The following ASIC2 variants were observed in gnomAD, a reference collection of about 807,000 sequenced individuals.
ASIC2 encodes the protein acid-sensing ion channel 2.
Under a neutral mutation model 57.3 loss-of-function variants are expected in ASIC2, and 25 were observed. The observed-to-expected ratio is 0.44, with a 90% CI of 0.32 to 0.61. The LOEUF is 0.61. Among genes scored for constraint, ASIC2 ranks in the 20% least tolerant of loss-of-function variants. ASIC2 has a pLI of 0.06. For synonymous variants in ASIC2, 319 were observed against 307.5 expected (o/e 1.04, Z -0.39); for missense variants, 641 against 738.1 (o/e 0.87, Z 1.52).
At chr17:33,609,739 CTTATCTGTGGGGCA>C (rs1905336532) in intron 1 of ASIC2, among the ~76,000 whole-genome samples, 1 of 152,080 alleles carries the variant, frequency 6.6e-6, no homozygotes, top group Non-Finnish European at 1.5e-5. Flanking sequence ...AGAAGCTCAC[CTTATCTGTGGGGCA>C]CATGAAGAAG....
At chr17:33,014,999 G>A (rs1384713570) in intron 9 of ASIC2, among the ~76,000 whole-genome samples, 1 of 152,212 alleles carries the variant, frequency 6.6e-6, no homozygotes, top group Non-Finnish European at 1.5e-5. Flanking sequence ...TTAGGATCCA[G>A]CCAGGCCAGC....
intron 1 of ASIC2, chr17:34,039,500 C>A: frequency 6.2e-7 from 1 of 1,613,812 alleles, no homozygotes. Context: ...AGGGGCTGTT[C>A]TACTCGTCGC....
intron 1 of ASIC2, among the ~76,000 whole-genome samples, chr17:33,455,622 G>A (rs1369190419): frequency 1.3e-5 from 2 of 152,150 alleles, no homozygotes; most frequent in Non-Finnish European, 2.9e-5. Flanking sequence ...CACCTTTTTA[G>A]ATATGTTATC....
intron 1 of ASIC2, among the ~76,000 whole-genome samples, chr17:34,035,210 T>C: frequency 6.9e-6 from 1 of 144,078 alleles, no homozygotes; most frequent in African/African-American, 2.8e-5. Context: ...ATGCTGCATA[T>C]CTACAACTAT....
intron 1 of ASIC2, among the ~76,000 whole-genome samples, chr17:33,825,016 C>T (rs1000201393): frequency 6.6e-6 from 1 of 152,184 alleles, no homozygotes; most frequent in Non-Finnish European, 1.5e-5. Flanking sequence ...GCACGTCTCT[C>T]TCCCCGTCTC....
At chr17:33,100,515 C>T (rs1358186770) in intron 2 of ASIC2, among the ~76,000 whole-genome samples, 1 of 152,218 alleles carries the variant, frequency 6.6e-6, no homozygotes, top group Non-Finnish European at 1.5e-5. Flanking sequence ...CTGACTATCT[C>T]CTTCTAGATT....
chr17:33,485,935 C>T (rs1913561280), intron 1 of ASIC2, among the ~76,000 whole-genome samples: 1 of 152,234 alleles, frequency 6.6e-6, no homozygotes, highest in African/African-American at 2.4e-5. Context: ...CCTGCTCTGT[C>T]TGGTCCACTG....
chr17:33,092,044 G>C (rs548666116), intron 2 of ASIC2, among the ~76,000 whole-genome samples: 1 of 152,198 alleles, frequency 6.6e-6, no homozygotes, highest in Non-Finnish European at 1.5e-5. Flanking sequence ...CAGAGCTGAG[G>C]GGGTGACGAG....
Position 33,811,107 on chromosome 17 carries a change from G to T in ASIC2, c.555+344871C>A, listed in dbSNP as rs925763579. Reference sequence around the variant, plus strand: ...ACTATTTTTCAGGCTGAATCACAAGGTTCAGTAGCTCACATAATGAGATTA... The same window carrying T: ...ACTATTTTTCAGGCTGAATCACAAGTTTCAGTAGCTCACATAATGAGATTA... On this transcript the variant is annotated intron_variant, in intron 1 of 9. Transcript: ENST00000359872. Among the ~76,000 whole-genome samples the T allele has an allele frequency of 6.6e-5, 10 of 152,156 alleles. No individual in the cohort carries two copies. The South Asian group carries it at 1.2e-3, about 19-fold the overall frequency.
At chr17:33,506,854 T>C (rs775454147) in intron 1 of ASIC2, among the ~76,000 whole-genome samples, 43 of 152,202 alleles carry the variant, frequency 2.8e-4, no homozygotes, top group Admixed American at 1.3e-4. Flanking sequence ...ATAAATAGCA[T>C]GCACTTGGTT....
At chr17:33,434,600 C>G (rs534767827) in intron 1 of ASIC2, among the ~76,000 whole-genome samples, 1 of 152,204 alleles carries the variant, frequency 6.6e-6, no homozygotes, top group East Asian at 1.9e-4. Context: ...GATTTTTTAT[C>G]CAGAAAAACT....
At chr17:34,077,514 G>A (rs987952476) in intron 1 of ASIC2, among the ~76,000 whole-genome samples, 2 of 152,112 alleles carry the variant, frequency 1.3e-5, no homozygotes, top group Non-Finnish European at 2.9e-5. Context: ...GCACTCCTCC[G>A]GTGCTGCTCT....
chr17:33,940,473 G>C (rs1916163885), intron 1 of ASIC2, among the ~76,000 whole-genome samples: 1 of 152,080 alleles, frequency 6.6e-6, no homozygotes, highest in Non-Finnish European at 1.5e-5. Flanking sequence ...ATTGCACTGT[G>C]GTTTCAGATA....
chr17:33,381,222 G>T (rs931795), intron 1 of ASIC2, among the ~76,000 whole-genome samples: 1 of 152,144 alleles, frequency 6.6e-6, no homozygotes, highest in East Asian at 1.9e-4. Flanking sequence ...AAAGCTAGCC[G>T]TGTTATTTAC....
At chr17:33,425,984 G>A (rs537412201) in intron 1 of ASIC2, among the ~76,000 whole-genome samples, 1 of 152,164 alleles carries the variant, frequency 6.6e-6, no homozygotes, top group Non-Finnish European at 1.5e-5. Flanking sequence ...AGAGAGAGGG[G>A]CTAGTAAGGG....
At chr17:33,116,438 G>A (rs1006290574) in intron 1 of ASIC2, among the ~76,000 whole-genome samples, 3 of 152,220 alleles carry the variant, frequency 2.0e-5, no homozygotes, top group African/African-American at 7.2e-5. Flanking sequence ...GTCAGGTTGA[G>A]CTCACTGCTT....
At chr17:34,056,018 C>A (rs9944519) in intron 1 of ASIC2, among the ~76,000 whole-genome samples, 33,740 of 151,960 alleles carry the variant, frequency 0.22, 5,525 homozygotes, top group African/African-American at 0.46. Flanking sequence ...TTACACTGGG[C>A]AGTAATTGTA....
chr17:33,397,976 GA>G (rs1330376448), intron 1 of ASIC2, among the ~76,000 whole-genome samples: 5 of 151,986 alleles, frequency 3.3e-5, no homozygotes, highest in African/African-American at 9.7e-5. Flanking sequence ...GATCATAGTG[GA>G]AAAAAAATCT....
At chr17:33,353,570 C>T (rs569826276) in intron 1 of ASIC2, among the ~76,000 whole-genome samples, 2 of 152,276 alleles carry the variant, frequency 1.3e-5, no homozygotes, top group East Asian at 3.9e-4. Flanking sequence ...AACTCCTGGG[C>T]TCAAGTGATC....
Sources: allele counts gnomAD v4.1 joint callset (sites outside exome capture counted in the v4.1 genomes callset), GRCh38; gene constraint gnomAD v4.1.1; transcripts MANE v1.5; gene names NCBI Gene and HGNC (gene_info 2026-07-23, HGNC 2026-07-21).